The following C3orf22 variants were observed in gnomAD, a reference collection of about 807,000 sequenced individuals.
C3orf22 encodes uncharacterized protein C3orf22.
C3orf22 carries 7 observed loss-of-function variants against 10.8 expected under a neutral mutation model. That is an observed-to-expected ratio of 0.65 (90% CI 0.37 to 1.22). The LOEUF (loss-of-function observed/expected upper bound fraction) is 1.22. Among genes scored for constraint, C3orf22 ranks in the 50% most tolerant of loss-of-function variants. The pLI, the probability that C3orf22 is intolerant of heterozygous loss-of-function variation, is 0.02. For synonymous variants in C3orf22, 79 were observed against 78.9 expected, an observed-to-expected ratio of 1.00 and a Z score of 0.00; for missense variants, 173 against 177.0, an observed-to-expected ratio of 0.98 and a Z score of 0.13.
intron 4 of C3orf22, chr3:126,542,309 C>A: frequency 6.4e-7 from 1 of 1,568,364 alleles, no homozygotes; most frequent in Non-Finnish European, 8.6e-7. Context: ...CGCGCACGCG[C>A]TCTGCCACCC....
rs774964251 is a variant in C3orf22, at chr3:126,553,428, T to A, written c.-38A>T. 1.4e-6 allele frequency: 2 copies of A among 1,384,844 alleles called. No homozygotes were observed. Among genetic ancestry groups the A allele is most frequent in the Non-Finnish European group, 2.0e-6 (2 of 1,013,496 alleles). The allele number at this position is 1,384,844 out of a possible 1,614,324, so 85.8% of individuals were successfully genotyped here. ...TAAGCTGAGGCACACCTCTCAGCCA[T>A]GGCTGGAAGACAAGAGGAGGCGTCA... is the stretch of plus-strand genomic sequence containing the variant. On this transcript the variant is annotated splice_region_variant and 5_prime_UTR_variant, in exon 2 of 4. It removes an upstream start codon present in the reference 5' UTR. Coordinates refer to ENST00000318225, the MANE Select transcript of C3orf22 (RefSeq NM_152533.3).
intron 4 of C3orf22, chr3:126,541,789 C>A (rs769441945): frequency 6.5e-7 from 1 of 1,541,354 alleles, no homozygotes; most frequent in East Asian, 2.5e-5. Context: ...TGCTGAACAG[C>A]GCCTGTAGCC....
Position 126,549,757 on chromosome 3 carries a change from G to A in C3orf22, c.*111C>T. ...TTGGGGGGACCACAAACCACTCCCG[G>A]TCTATGATGGCCATGAAGGCTGATC... On this transcript the variant is annotated 3_prime_UTR_variant, in exon 4 of 4. Coordinates refer to ENST00000318225, the MANE Select transcript of C3orf22 (RefSeq NM_152533.3). The A allele has an allele frequency of 6.6e-7, 1 of 1,508,082 alleles. No homozygotes were observed. The highest frequency in any genetic ancestry group is 1.3e-5 in the South Asian group (1 of 75,892). 93.4% of individuals were successfully genotyped at this position (1,508,082 alleles called of 1,614,324 possible).
chr3:126,545,129 C>A (rs1343009221), downstream of C3orf22, among the ~76,000 whole-genome samples: 1 of 152,266 alleles, frequency 6.6e-6, no homozygotes, highest in Non-Finnish European at 1.5e-5. Context: ...CTGGACAACA[C>A]AGGGGGGTGC....
chr3:126,549,926 G>C lies in C3orf22; in HGVS notation c.368C>G (p.Thr123Ser). Residue 123 changes from threonine to serine, a missense_variant, in exon 4 of 4, where the codon ACT (threonine) becomes AGT (serine). Transcript: ENST00000318225. ...QLAFLLSTRH[T>S]EAACPQTSKA... Reference sequence around the variant, plus strand: ...GCTGGTCTGGGGGCAGGCAGCCTCAGTGTGCCGGGTGGACAGCAGGAAGGC... The same window carrying C: ...GCTGGTCTGGGGGCAGGCAGCCTCACTGTGCCGGGTGGACAGCAGGAAGGC... The C allele has an allele frequency of 6.2e-7, 1 of 1,614,164 alleles. No homozygotes were observed. Among genetic ancestry groups the C allele is most frequent in the Non-Finnish European group, 8.5e-7 (1 of 1,180,016 alleles).
At chr3:126,544,275 G>C (rs1331295889) in intron 4 of C3orf22, among the ~76,000 whole-genome samples, 1 of 152,176 alleles carries the variant, frequency 6.6e-6, no homozygotes, top group Non-Finnish European at 1.5e-5. Flanking sequence ...GGACTGTCCA[G>C]AGCCCCTGTC....
intron 4 of C3orf22, chr3:126,542,058 C>T: frequency 6.3e-7 from 1 of 1,581,336 alleles, no homozygotes; most frequent in Non-Finnish European, 8.6e-7. Context: ...GCCTACTTGG[C>T]CTTCCTGTTC....
intron 4 of C3orf22, chr3:126,542,116 CGCGCGCCCCTACA>C: frequency 6.3e-7 from 1 of 1,578,214 alleles, no homozygotes. Flanking sequence ...GCAACAAGCT[CGCGCGCCCCTACA>C]GCGCCGCCTT....
chr3:126,545,028 CTG>C (rs1406271728), downstream of C3orf22, among the ~76,000 whole-genome samples: 3 of 152,254 alleles, frequency 2.0e-5, no homozygotes, highest in Admixed American at 2.0e-4. Context: ...GCCAGAACGT[CTG>C]TGTCCTCACA....
downstream of C3orf22, among the ~76,000 whole-genome samples, chr3:126,548,972 G>T (rs904724284): frequency 6.6e-6 from 1 of 152,166 alleles, no homozygotes; most frequent in African/African-American, 2.4e-5. Flanking sequence ...GAACTCCAAG[G>T]TGACTTTCTA....
intron 3 of C3orf22, 26 bp downstream of exon 3, chr3:126,551,971 G>C: frequency 6.4e-7 from 1 of 1,574,298 alleles, no homozygotes; most frequent in Non-Finnish European, 8.6e-7. Flanking sequence ...GCCAGTGGGG[G>C]TGGTGGCATC....
chr3:126,553,842 T>A (rs1010433956), intron 1 of C3orf22, among the ~76,000 whole-genome samples: 17 of 151,916 alleles, frequency 1.1e-4, no homozygotes, highest in African/African-American at 3.6e-4. Flanking sequence ...ACCCACAGTC[T>A]GTCCCTCCTG....
chr3:126,536,372 G>T, intron 4 of C3orf22: 6 of 1,599,944 alleles, frequency 3.8e-6, no homozygotes, highest in Non-Finnish European at 5.1e-6. Context: ...ACAGACCCTC[G>T]ACCCAGGCAT....
chr3:126,554,271 T>G (rs1360122723), intron 1 of C3orf22, among the ~76,000 whole-genome samples: 1 of 150,118 alleles, frequency 6.7e-6, no homozygotes, highest in African/African-American at 2.4e-5. Flanking sequence ...TGTTTTTTTT[T>G]TTTTTTTTTT....
intron 4 of C3orf22, chr3:126,541,800 G>GCCA: frequency 1.9e-6 from 3 of 1,550,326 alleles, no homozygotes; most frequent in Non-Finnish European, 2.6e-6. Context: ...GCCTGTAGCC[G>GCCA]CCACTCACGC....
chr3:126,554,083 C>T (rs1190277237), intron 1 of C3orf22, among the ~76,000 whole-genome samples: 4 of 151,874 alleles, frequency 2.6e-5, no homozygotes, highest in African/African-American at 9.7e-5. Flanking sequence ...TGGTTGATCA[C>T]GGCTCACTGC....
In C3orf22 at chr3:126,529,783, T is replaced by C. The variant is rs569461438; in HGVS notation, c.287-411A>G. Among the ~76,000 whole-genome samples the C allele has an allele frequency of 8.1e-4, 124 of 152,256 alleles. 2 individuals carry two copies. The highest frequency in any genetic ancestry group is 5.6e-4 in the Non-Finnish European group (38 of 68,012). ...CCCTCCCATCATCCTGTCCCCCTTC[T>C]CTCCCCTGTCTCCCTAACCTCCTGC... is the stretch of plus-strand genomic sequence containing the variant. On this transcript the variant is annotated intron_variant and NMD_transcript_variant, in intron 4 of 5. Coordinates refer to the C3orf22 transcript ENST00000505070.
At chr3:126,533,287 A>G (rs1936695867) in intron 4 of C3orf22, among the ~76,000 whole-genome samples, 1 of 152,226 alleles carries the variant, frequency 6.6e-6, no homozygotes, top group African/African-American at 2.4e-5. Context: ...TGGCAAAAGC[A>G]GGCACTCTTG....
At position 126,550,037 on chromosome 3, in the gene C3orf22, G is replaced by A. The variant is rs771275774; in HGVS notation, c.257C>T (p.Pro86Leu). 82 of 1,613,828 alleles carry A rather than the reference G, an allele frequency of 5.1e-5. No individual in the cohort carries two copies. The highest frequency in any genetic ancestry group is 1.8e-4 in the East Asian group (8 of 44,862). Reference protein sequence around the residue: ...PDFTSPSGSCPAPLPAPSPPP... With the variant: ...PDFTSPSGSCLAPLPAPSPPP... ...TGGTGATGGTGCTGGTAGTGGTGCC[G>A]GGCAGGAGCCAGACGGTGATGTAAA... The change falls in exon 4 of 4, where the codon CCG (proline) becomes CTG (leucine). Residue 86 changes from proline (P) to leucine (L), a missense_variant. Coordinates refer to ENST00000318225, the MANE Select transcript of C3orf22 (RefSeq NM_152533.3).
Sources: gnomAD v4.1 joint callset for allele counts (sites outside exome capture counted in the v4.1 genomes callset) on GRCh38, gnomAD v4.1.1 for gene constraint, MANE v1.5 for transcripts, NCBI Gene and HGNC (gene_info 2026-07-23, HGNC 2026-07-21) for gene names.